ZNG1A: variants seen among roughly 807,000 people sequenced by gnomAD.
ZNG1A encodes the protein zinc-regulated GTPase metalloprotein activator 1A.
chr9:171,978 T>C, the ZNG1A span: 1 of 1,582,414 alleles, frequency 6.3e-7, no homozygotes, highest in Non-Finnish European at 8.6e-7. Flanking sequence ...TTTGGTTTAA[T>C]ACTAACAAAA....
At chr9:128,537 T>C in the ZNG1A span, among the ~76,000 whole-genome samples, 4 of 148,058 alleles carry the variant, frequency 2.7e-5, no homozygotes, top group African/African-American at 1.0e-4. Context: ...GTTTTGATTG[T>C]TTTTTATTTA....
chr9:177,906 T>C, the ZNG1A span: 11 of 1,518,718 alleles, frequency 7.2e-6, no homozygotes, highest in South Asian at 1.4e-4. Context: ...ACAAAGTTTT[T>C]AAAAAAAACA....
the ZNG1A span, chr9:163,964 G>A: frequency 6.3e-7 from 1 of 1,584,336 alleles, no homozygotes; most frequent in Non-Finnish European, 8.6e-7. Context: ...AAAGAAAACT[G>A]TTTTTTAACT....
chr9:159,412 A>T, the ZNG1A span, among the ~76,000 whole-genome samples: 1 of 151,908 alleles, frequency 6.6e-6, no homozygotes, highest in African/African-American at 2.4e-5. Context: ...GAATCTGCTA[A>T]AACATAGATC....
the ZNG1A span, among the ~76,000 whole-genome samples, chr9:170,490 G>C: frequency 6.6e-6 from 1 of 150,856 alleles, no homozygotes; most frequent in Non-Finnish European, 1.5e-5. Flanking sequence ...GCTTTCAAGC[G>C]ATTCTCCTGC....
chr9:157,190 C>T, the ZNG1A span, among the ~76,000 whole-genome samples: 16 of 139,690 alleles, frequency 1.1e-4, no homozygotes, highest in Admixed American at 1.0e-3. Context: ...ATTTTACTGA[C>T]CTCTCCAGAG....
the ZNG1A span, among the ~76,000 whole-genome samples, chr9:140,279 G>A: frequency 6.6e-6 from 1 of 152,004 alleles, no homozygotes; most frequent in Admixed American, 6.5e-5. Context: ...CAGCTTTGAA[G>A]AGAGCAGTGG....
the ZNG1A span, among the ~76,000 whole-genome samples, chr9:142,508 C>CA: frequency 9.2e-6 from 1 of 108,644 alleles, no homozygotes. Flanking sequence ...AACAAAGACA[C>CA]AACATACCAG....
chr9:138,368 T>C, the ZNG1A span, among the ~76,000 whole-genome samples: 1 of 136,182 alleles, frequency 7.3e-6, no homozygotes, highest in East Asian at 2.2e-4. Flanking sequence ...GCTGAAATAA[T>C]CTCAATCAAT....
chr9:136,590 A>AT, the ZNG1A span, among the ~76,000 whole-genome samples: 1 of 58,842 alleles, frequency 1.7e-5, no homozygotes, highest in Non-Finnish European at 3.4e-5. Context: ...AAATGATTGC[A>AT]TACTATAATT....
chr9:161,211 G>A, the ZNG1A span, among the ~76,000 whole-genome samples: 2 of 152,124 alleles, frequency 1.3e-5, no homozygotes, highest in Non-Finnish European at 2.9e-5. Context: ...GCTCATGCCT[G>A]TAATCCCAGC....
chr9:139,987 T>C, the ZNG1A span, among the ~76,000 whole-genome samples: 2 of 150,514 alleles, frequency 1.3e-5, no homozygotes, highest in Admixed American at 6.6e-5. Flanking sequence ...CGAGATTATA[T>C]CCCGCACCTG....
the ZNG1A span, among the ~76,000 whole-genome samples, chr9:138,722 G>T: frequency 7.3e-6 from 1 of 137,508 alleles, no homozygotes; most frequent in South Asian, 2.5e-4. Context: ...AACATAGCAA[G>T]ACACCATGCT....
At chr9:168,060 G>A in the ZNG1A span, among the ~76,000 whole-genome samples, 1 of 97,068 alleles carries the variant, frequency 1.0e-5, no homozygotes, top group Non-Finnish European at 2.0e-5. Flanking sequence ...GAGAGGTGAG[G>A]AAGCTAGAGA....
the ZNG1A span, chr9:149,089 C>T: frequency 6.7e-6 from 1 of 149,794 alleles, no homozygotes; most frequent in African/African-American, 2.5e-5. Context: ...AACTCAAAAA[C>T]GCTTACAAAA....
At chr9:175,354 G>A in the ZNG1A span, among the ~76,000 whole-genome samples, 1 of 151,296 alleles carries the variant, frequency 6.6e-6, no homozygotes, top group Non-Finnish European at 1.5e-5. Flanking sequence ...CTCCAGCCTG[G>A]CGACAGAGAG....
the ZNG1A span, among the ~76,000 whole-genome samples, chr9:176,251 G>A: frequency 7.2e-6 from 1 of 139,036 alleles, no homozygotes; most frequent in Admixed American, 7.3e-5. Flanking sequence ...ACTTTATCCA[G>A]CAGGTGGCAT....
the ZNG1A span, among the ~76,000 whole-genome samples, chr9:165,222 T>C: frequency 6.6e-6 from 1 of 152,130 alleles, no homozygotes; most frequent in Non-Finnish European, 1.5e-5. Flanking sequence ...AAATCTACTG[T>C]ATCACTACTC....
At chr9:169,623 T>C in the ZNG1A span, among the ~76,000 whole-genome samples, 1 of 147,446 alleles carries the variant, frequency 6.8e-6, no homozygotes, top group Non-Finnish European at 1.5e-5. Context: ...AACTTCATTA[T>C]TATCTTATGA....
Sources: allele counts gnomAD v4.1 joint callset (sites outside exome capture counted in the v4.1 genomes callset), GRCh38; gene constraint gnomAD v4.1.1; transcripts MANE v1.5; gene names NCBI Gene and HGNC (gene_info 2026-07-23, HGNC 2026-07-21).